Variants in KDM4C observed in about 807,000 individuals in gnomAD.
KDM4C encodes lysine demethylase 4C, also known as lysine-specific demethylase 4C.
In KDM4C, 81 loss-of-function variants were observed where a neutral mutation model predicts 129.3. The observed-to-expected ratio is 0.63, with a 90% confidence interval of 0.52 to 0.75. The LOEUF (loss-of-function observed/expected upper bound fraction) is 0.75, where lower values mean the gene tolerates loss of function less well. KDM4C is among the 30% of genes least tolerant of loss of function. KDM4C has a pLI of 0.00. For missense variants in KDM4C, 1,457 were observed against 1,304.0 expected (o/e 1.12, Z -1.81); for synonymous variants, 573 against 456.1 (o/e 1.26, Z -3.26).
chr9:7,116,676 G>A (rs757643017), intron 18 of KDM4C, among the ~76,000 whole-genome samples: 6 of 152,160 alleles, frequency 3.9e-5, no homozygotes, highest in Non-Finnish European at 7.3e-5. Context: ...TAACATTGGC[G>A]AGGTAGGCAG....
At chr9:6,737,571 G>A (rs1353117518) in intron 1 of KDM4C, among the ~76,000 whole-genome samples, 1 of 150,202 alleles carries the variant, frequency 6.7e-6, no homozygotes, top group African/African-American at 2.5e-5. Flanking sequence ...GCCTGAGGCA[G>A]GAGAATCGCT....
chr9:6,934,404 C>T (rs1011280456), intron 8 of KDM4C, among the ~76,000 whole-genome samples: 11 of 150,812 alleles, frequency 7.3e-5, no homozygotes, highest in South Asian at 4.2e-4. Context: ...GGCGTGAACC[C>T]GGGAGGCGGA....
intron 14 of KDM4C, among the ~76,000 whole-genome samples, 162 bp from the exon 15 acceptor site, chr9:7,015,691 A>G (rs1009169065): frequency 4.6e-5 from 7 of 152,224 alleles, no homozygotes; most frequent in Non-Finnish European, 8.8e-5. Context: ...GTTAGTTATC[A>G]GTAAGACTCA....
chr9:6,852,219 A>G (rs143194115), intron 5 of KDM4C, among the ~76,000 whole-genome samples: 5 of 152,284 alleles, frequency 3.3e-5, no homozygotes, highest in African/African-American at 9.6e-5. Context: ...CAATCCTTAT[A>G]ATATATTTGA....
chr9:6,902,034 G>C (rs1407970971), intron 8 of KDM4C, among the ~76,000 whole-genome samples: 1 of 152,154 alleles, frequency 6.6e-6, no homozygotes, highest in Non-Finnish European at 1.5e-5. Flanking sequence ...TGTGGGTTGA[G>C]AGCCATGGGT....
At chr9:7,125,127 G>T (rs1157797812) in intron 18 of KDM4C, among the ~76,000 whole-genome samples, 1 of 151,990 alleles carries the variant, frequency 6.6e-6, no homozygotes, top group African/African-American at 2.4e-5. Context: ...CACCCCCAGT[G>T]CCCTGACCCC....
intron 8 of KDM4C, among the ~76,000 whole-genome samples, chr9:6,968,551 T>G (rs1242596567): frequency 1.3e-5 from 2 of 152,208 alleles, no homozygotes; most frequent in African/African-American, 4.8e-5. Flanking sequence ...CCACATATTT[T>G]ATGGTTTCAT....
At chr9:7,059,024 A>G (rs1831253050) in intron 17 of KDM4C, among the ~76,000 whole-genome samples, 1 of 152,232 alleles carries the variant, frequency 6.6e-6, no homozygotes, top group African/African-American at 2.4e-5. Flanking sequence ...CAGTGTGATA[A>G]TTTCCCAGTA....
chr9:6,934,458 T>G (rs920280138), intron 8 of KDM4C, among the ~76,000 whole-genome samples: 1 of 148,444 alleles, frequency 6.7e-6, no homozygotes, highest in East Asian at 2.0e-4. Flanking sequence ...CGAGACTGGG[T>G]GACAGAGCAA....
intron 15 of KDM4C, among the ~76,000 whole-genome samples, chr9:7,042,635 GGTTT>G (rs752539361): frequency 1.3e-5 from 2 of 152,018 alleles, no homozygotes; most frequent in African/African-American, 2.4e-5. Flanking sequence ...TCATCTTCGT[GGTTT>G]GTTTAAGTAC....
intron 19 of KDM4C, among the ~76,000 whole-genome samples, chr9:7,132,610 T>C (rs10815527): frequency 0.23 from 35,549 of 152,136 alleles, 4,374 homozygotes; most frequent in East Asian, 0.47. Context: ...GTCTATGAAA[T>C]TGGGACACAC....
At chr9:7,147,934 C>A (rs1270266088) in intron 19 of KDM4C, among the ~76,000 whole-genome samples, 1 of 152,234 alleles carries the variant, frequency 6.6e-6, no homozygotes, top group African/African-American at 2.4e-5. Flanking sequence ...GTCCACTCAG[C>A]CCAGCAGGCT....
At chr9:7,156,839 CTT>C (rs1338099494) in intron 19 of KDM4C, among the ~76,000 whole-genome samples, 2 of 151,930 alleles carry the variant, frequency 1.3e-5, no homozygotes, top group Non-Finnish European at 2.9e-5. Flanking sequence ...AATGTGGGTT[CTT>C]TTTTGGTTCC....
intron 19 of KDM4C, among the ~76,000 whole-genome samples, chr9:7,130,302 A>G (rs1385306167): frequency 6.6e-6 from 1 of 152,152 alleles, no homozygotes; most frequent in Non-Finnish European, 1.5e-5. Context: ...ATGAACCCTA[A>G]ATTCTCTTTT....
intron 4 of KDM4C, among the ~76,000 whole-genome samples, chr9:6,827,353 T>C (rs1834064210): frequency 6.6e-6 from 1 of 152,218 alleles, no homozygotes; most frequent in Non-Finnish European, 1.5e-5. Flanking sequence ...AATTCAATGA[T>C]AGTGAATTTT....
At chr9:6,765,989 A>G (rs558283473) in intron 1 of KDM4C, among the ~76,000 whole-genome samples, 3 of 152,202 alleles carry the variant, frequency 2.0e-5, no homozygotes, top group East Asian at 3.9e-4. Flanking sequence ...GGGTTTCACC[A>G]TGTTGGCCAG....
intron 5 of KDM4C, among the ~76,000 whole-genome samples, chr9:6,876,557 T>A (rs1282625495): frequency 6.6e-6 from 1 of 152,212 alleles, no homozygotes; most frequent in South Asian, 2.1e-4. Flanking sequence ...CTTGCTGTTT[T>A]GTTGTCTTTT....
chr9:6,909,264 G>C (rs1047727721), intron 8 of KDM4C, among the ~76,000 whole-genome samples: 1 of 152,186 alleles, frequency 6.6e-6, no homozygotes, highest in South Asian at 2.1e-4. Flanking sequence ...TGGAGTTCAC[G>C]ATGTGGCCAA....
At chr9:6,979,827 A>G (rs1053396257) in intron 8 of KDM4C, among the ~76,000 whole-genome samples, 3 of 152,156 alleles carry the variant, frequency 2.0e-5, no homozygotes, top group Non-Finnish European at 4.4e-5. Context: ...AGGGGTGAAG[A>G]CATAGGGAGT....
Sources: allele counts gnomAD v4.1 joint callset (sites outside exome capture counted in the v4.1 genomes callset), GRCh38; gene constraint gnomAD v4.1.1; transcripts MANE v1.5; gene names NCBI Gene and HGNC (gene_info 2026-07-23, HGNC 2026-07-21).